Variants in ADGRA1 observed in about 807,000 individuals in gnomAD.
The protein encoded by ADGRA1 is G-protein coupled receptor 123.
Under a neutral mutation model 21.3 loss-of-function variants are expected in ADGRA1, and 12 were observed. That is an observed-to-expected ratio of 0.56 (90% confidence interval 0.36 to 0.91). The LOEUF (loss-of-function observed/expected upper bound fraction) is 0.91, where lower values mean the gene tolerates loss of function less well. ADGRA1 is among the 40% of genes least tolerant of loss of function. ADGRA1 has a pLI of 0.01. For missense variants in ADGRA1, 790 were observed against 805.6 expected (o/e 0.98, Z 0.23); for synonymous variants, 385 against 368.8 (o/e 1.04, Z -0.50).
intron 5 of ADGRA1, among the ~76,000 whole-genome samples, chr10:133,111,184 T>C (rs56897623): frequency 0.044 from 1,311 of 29,516 alleles, 305 homozygotes; most frequent in African/African-American, 0.074. Context: ...CGTGAGCACC[T>C]CCCTCCTAAT....
chr10:133,097,044 C>T lies in ADGRA1; in HGVS notation c.74C>T (p.Thr25Met). The T allele has an allele frequency of 6.2e-7, 1 of 1,611,562 alleles. No homozygotes were observed. Among genetic ancestry groups the T allele is most frequent in the Non-Finnish European group, 8.5e-7 (1 of 1,179,992 alleles). Residue 25 changes from threonine to methionine, a missense_variant, in exon 3 of 7, where the codon ACG (threonine) becomes ATG (methionine). Transcript: ENST00000392607. ...EFLHPVVYAC[T>M]AVMLLCLLAS... ...CTGCACCCCGTGGTGTACGCGTGCACGGCCGTCATGCTGCTCTGCCTCCTG... is the reference window on the plus strand; with the variant it reads ...CTGCACCCCGTGGTGTACGCGTGCATGGCCGTCATGCTGCTCTGCCTCCTG...
At position 133,130,644 on chromosome 10, in the gene ADGRA1, ACC is replaced by A. The variant is rs10543497; in HGVS notation, c.*1135_*1136del. ...TCCTCCTTGTCTGTGACACATGTGC[ACC>A]CACACACACACACACAAACACATGT... On this transcript the variant is annotated 3_prime_UTR_variant, in exon 7 of 7. Coordinates refer to ENST00000392607, the MANE Select transcript of ADGRA1 (RefSeq NM_001083909.3). 0.15 allele frequency: 22,885 copies of A among 151,620 alleles called. 1,883 individuals are homozygous for A. The highest frequency in any genetic ancestry group is 0.21 in the Middle Eastern group (61 of 292). The allele number at this position is 151,620 out of a possible 1,614,324, so 9.4% of individuals were successfully genotyped here.
chr10:133,095,094 G>T (rs1469062158), intron 2 of ADGRA1, among the ~76,000 whole-genome samples: 1 of 152,182 alleles, frequency 6.6e-6, no homozygotes, highest in Admixed American at 6.5e-5. Context: ...ACCAAGGAGG[G>T]ACGTGCGAAT....
At position 133,117,487 on chromosome 10, in the gene ADGRA1, A is replaced by G. The variant is rs566985111; in HGVS notation, c.402-9746A>G. Among the ~76,000 whole-genome samples the G allele has an allele frequency of 7.9e-5, 12 of 152,262 alleles. No individual in the cohort carries two copies. In the South Asian group the frequency reaches 2.5e-3, roughly 32 times the overall value. On this transcript the variant is annotated intron_variant, in intron 5 of 6. Coordinates refer to ENST00000392607, the MANE Select transcript of ADGRA1 (RefSeq NM_001083909.3). ...GGTCCGGTGCACTGTGGACGTGGGC[A>G]GGGCAGAGCCCGGGAGACTGCCTGG...
At chr10:133,097,978 G>A (rs1253356014) in intron 3 of ADGRA1, among the ~76,000 whole-genome samples, 1 of 152,190 alleles carries the variant, frequency 6.6e-6, no homozygotes, top group African/African-American at 2.4e-5. Flanking sequence ...TCAGCTTGGT[G>A]GTTAGTGCCG....
intron 4 of ADGRA1, among the ~76,000 whole-genome samples, chr10:133,101,068 G>A (rs1218994666): frequency 6.6e-6 from 1 of 152,238 alleles, no homozygotes; most frequent in East Asian, 1.9e-4. Context: ...GGCCAGTTCC[G>A]CATTCCCGCC....
intron 3 of ADGRA1, 24 bp downstream of exon 3, chr10:133,097,125 G>C (rs11101914): frequency 6.2e-7 from 1 of 1,600,830 alleles, no homozygotes; most frequent in Non-Finnish European, 8.5e-7. Flanking sequence ...GGGCAAGGGC[G>C]CCCCCTGTGC....
intron 5 of ADGRA1, among the ~76,000 whole-genome samples, chr10:133,119,611 T>A (rs2135901923): frequency 6.6e-6 from 1 of 152,334 alleles, no homozygotes; most frequent in East Asian, 1.9e-4. Flanking sequence ...GTCCACGGCA[T>A]CTTCACCAGG....
In ADGRA1 at chr10:133,131,346, T is replaced by C. The variant is rs1195012244; in HGVS notation, c.*1835T>C. The C allele has an allele frequency of 6.6e-6, 1 of 152,346 alleles. No homozygotes were observed. Among genetic ancestry groups the C allele is most frequent in the Non-Finnish European group, 1.5e-5 (1 of 68,090 alleles). 9.4% of individuals were successfully genotyped at this position (152,346 alleles called of 1,614,324 possible). A position where few individuals can be genotyped will look rare whatever the true frequency, so the allele number is the denominator to read the frequency against. On this transcript the variant is annotated 3_prime_UTR_variant, in exon 7 of 7. Transcript: ENST00000392607. ...CCTTCTCACCTGCTTCCATAGCTGA[T>C]GTGAACCCGAATCCCCACGCTGTGC...
In ADGRA1 at chr10:133,096,960, T is replaced by A; in HGVS notation, c.4-14T>A. ...ACCAGCCAGTCACACACGTCTCCTT[T>A]GCTTTATCCTCAGGATCTGAAGACA... On this transcript the variant is annotated splice_polypyrimidine_tract_variant and intron_variant, in intron 2 of 6. Coordinates refer to ENST00000392607, the MANE Select transcript of ADGRA1 (RefSeq NM_001083909.3). The A allele has an allele frequency of 6.2e-7, 1 of 1,604,878 alleles. No homozygotes were observed. Among genetic ancestry groups the A allele is most frequent in the Non-Finnish European group, 8.5e-7 (1 of 1,172,534 alleles).
At chr10:133,107,815 C>A (rs935760806) in intron 5 of ADGRA1, among the ~76,000 whole-genome samples, 7 of 152,174 alleles carry the variant, frequency 4.6e-5, no homozygotes, top group African/African-American at 1.7e-4. Flanking sequence ...GGGAAAAAAC[C>A]ACCCTGTCTA....
intron 5 of ADGRA1, among the ~76,000 whole-genome samples, chr10:133,107,805 G>T (rs9419105): frequency 1.2e-4 from 18 of 152,140 alleles, no homozygotes; most frequent in South Asian, 2.1e-4. Flanking sequence ...TAGATAGTCA[G>T]GGAAAAAACC....
intron 5 of ADGRA1, among the ~76,000 whole-genome samples, chr10:133,125,133 T>G (rs1461799536): frequency 6.6e-6 from 1 of 152,272 alleles, no homozygotes. Context: ...GCCTTTTCCA[T>G]CCAGTTACTT....
At chr10:133,100,288 AAAC>A (rs1186690374) in intron 4 of ADGRA1, among the ~76,000 whole-genome samples, 3 of 152,232 alleles carry the variant, frequency 2.0e-5, no homozygotes, top group Admixed American at 2.0e-4. Context: ...GGTAAGCTGG[AAAC>A]AACCACAGCA....
At chr10:133,117,605 C>T (rs976229829) in intron 5 of ADGRA1, among the ~76,000 whole-genome samples, 3 of 152,354 alleles carry the variant, frequency 2.0e-5, no homozygotes, top group South Asian at 2.1e-4. Flanking sequence ...AGGCCGTGGA[C>T]GGCCAAGAGG....
chr10:133,089,848 G>A (rs933413104), intron 2 of ADGRA1, among the ~76,000 whole-genome samples: 9 of 152,172 alleles, frequency 5.9e-5, no homozygotes, highest in African/African-American at 1.2e-4. Context: ...TGAGGTCTCC[G>A]CACTTACCTT....
At position 133,090,246 on chromosome 10, in the gene ADGRA1, G is replaced by A. The variant is rs749068749; in HGVS notation, c.3+1334G>A. ...CAATCCAAGAAGGGCACCACCCCTCGCAGGCTGAGCCTGTTCGTGCACTCT... is the reference window on the plus strand; with the variant it reads ...CAATCCAAGAAGGGCACCACCCCTCACAGGCTGAGCCTGTTCGTGCACTCT... On this transcript the variant is annotated intron_variant, in intron 2 of 6. Transcript: ENST00000392607. Among the ~76,000 whole-genome samples the A allele has an allele frequency of 7.2e-5, 11 of 152,274 alleles. No homozygotes were observed. In the East Asian group the frequency reaches 9.7e-4, roughly 13 times the overall value.
chr10:133,129,635 C>T lies in ADGRA1; in HGVS notation c.*124C>T. 2.0e-6 allele frequency: 1 copy of T among 498,380 alleles called. No homozygotes were observed. The highest frequency in any genetic ancestry group is 3.2e-6 in the Non-Finnish European group (1 of 310,694). The allele number at this position is 498,380 out of a possible 1,614,324, so 30.9% of individuals were successfully genotyped here. ...CTTTCAGAAGCCGTTCACACCCCTGCCCCTTCCTTGTGATCACACCCCTGC... is the reference window on the plus strand; with the variant it reads ...CTTTCAGAAGCCGTTCACACCCCTGTCCCTTCCTTGTGATCACACCCCTGC... On this transcript the variant is annotated 3_prime_UTR_variant, in exon 7 of 7. Coordinates refer to ENST00000392607, the MANE Select transcript of ADGRA1 (RefSeq NM_001083909.3).
At chr10:133,121,973 G>A (rs1852277180) in intron 5 of ADGRA1, among the ~76,000 whole-genome samples, 1 of 151,570 alleles carries the variant, frequency 6.6e-6, no homozygotes, top group Admixed American at 6.6e-5. Context: ...GCATGCCTGT[G>A]TGTATGTGTG....
Sources: gnomAD v4.1 joint callset for allele counts (sites outside exome capture counted in the v4.1 genomes callset) on GRCh38, gnomAD v4.1.1 for gene constraint, MANE v1.5 for transcripts, NCBI Gene and HGNC (gene_info 2026-07-23, HGNC 2026-07-21) for gene names.